SPPL3: variants seen among roughly 807,000 people sequenced by gnomAD.
The protein encoded by SPPL3 is signal peptide peptidase-like 3.
A neutral mutation model predicts 42.4 loss-of-function variants in SPPL3; 5 were observed. The ratio of observed to expected loss-of-function variants is 0.12; its 90% CI spans 0.06 to 0.25. The LOEUF (loss-of-function observed/expected upper bound fraction) is 0.25, where lower values mean the gene tolerates loss of function less well. Among genes scored for constraint, SPPL3 ranks in the 10% least tolerant of loss-of-function variants. The pLI, the probability that SPPL3 is intolerant of heterozygous loss-of-function variation, is 1.00. For missense variants in SPPL3, 235 were observed against 489.0 expected (o/e 0.48, Z 4.90); for synonymous variants, 195 against 181.8 (o/e 1.07, Z -0.58).
At chr12:120,802,995 CCTA>C (rs374423826) in intron 2 of SPPL3, among the ~76,000 whole-genome samples, 4 of 152,158 alleles carry the variant, frequency 2.6e-5, no homozygotes, top group African/African-American at 9.7e-5. Context: ...TATTTGAATG[CCTA>C]CTGTGAGATG....
intron 8 of SPPL3, 139 bp from the exon 9 acceptor site, chr12:120,767,732 T>A: frequency 1.1e-6 from 1 of 882,516 alleles, no homozygotes; most frequent in Non-Finnish European, 1.7e-6. Flanking sequence ...GATGGAACAT[T>A]AGTTTTAAGA....
At chr12:120,885,932 G>A (rs532497595) in intron 1 of SPPL3, among the ~76,000 whole-genome samples, 7 of 140,358 alleles carry the variant, frequency 5.0e-5, no homozygotes, top group South Asian at 4.5e-4. Context: ...TCAGCTCACC[G>A]CAACCTCCAC....
At chr12:120,837,628 G>A (rs948230504) in intron 1 of SPPL3, among the ~76,000 whole-genome samples, 1 of 151,950 alleles carries the variant, frequency 6.6e-6, no homozygotes, top group Non-Finnish European at 1.5e-5. Context: ...TGCGATTCCT[G>A]TAAGTCAAAC....
intron 2 of SPPL3, among the ~76,000 whole-genome samples, chr12:120,792,954 C>T (rs1869971093): frequency 1.3e-5 from 2 of 152,054 alleles, no homozygotes; most frequent in Non-Finnish European, 2.9e-5. Flanking sequence ...AAAAAACTTA[C>T]GTGCCTCAAA....
At chr12:120,777,628 G>A (rs1869370867) in intron 6 of SPPL3, among the ~76,000 whole-genome samples, 1 of 152,054 alleles carries the variant, frequency 6.6e-6, no homozygotes, top group Admixed American at 6.5e-5. Flanking sequence ...GCAACTTGCT[G>A]TATTACTTTG....
At chr12:120,775,787 C>G (rs923955570) in intron 6 of SPPL3, among the ~76,000 whole-genome samples, 2 of 152,124 alleles carry the variant, frequency 1.3e-5, no homozygotes, top group Non-Finnish European at 2.9e-5. Context: ...CGGGAAAATC[C>G]CGAAGTCCAT....
chr12:120,897,127 T>C (rs981189030), intron 1 of SPPL3, among the ~76,000 whole-genome samples: 1 of 152,192 alleles, frequency 6.6e-6, no homozygotes, highest in African/African-American at 2.4e-5. Flanking sequence ...AATACAATTA[T>C]ATAGAATGAC....
At chr12:120,780,944 A>G (rs1869513850) in intron 6 of SPPL3, among the ~76,000 whole-genome samples, 3 of 152,144 alleles carry the variant, frequency 2.0e-5, no homozygotes, top group Admixed American at 1.3e-4. Context: ...AACCAGGAAA[A>G]TTATGGGTGA....
chr12:120,892,834 T>G (rs1434729400), intron 1 of SPPL3, among the ~76,000 whole-genome samples: 1 of 151,052 alleles, frequency 6.6e-6, no homozygotes, highest in African/African-American at 2.4e-5. Flanking sequence ...TACAAAAAAT[T>G]AGCCGGGCAT....
chr12:120,894,585 C>T (rs1350129121), intron 1 of SPPL3, among the ~76,000 whole-genome samples: 1 of 152,094 alleles, frequency 6.6e-6, no homozygotes, highest in African/African-American at 2.4e-5. Context: ...AGAGTGAAGC[C>T]CAAGCCTGAG....
chr12:120,782,535 G>C (rs1049606661), intron 6 of SPPL3, 120 bp downstream of exon 6: 36 of 698,998 alleles, frequency 5.2e-5, no homozygotes, highest in Non-Finnish European at 8.3e-5. Context: ...TGGCGGGGGT[G>C]GGTGTGAAAA....
At chr12:120,840,866 AACCCAGGGGGTTGCAG>A (rs1450730559) in intron 1 of SPPL3, among the ~76,000 whole-genome samples, 3 of 151,984 alleles carry the variant, frequency 2.0e-5, no homozygotes, top group African/African-American at 7.3e-5. Context: ...ACATCGCTTG[AACCCAGGGGGTTGCAG>A]TGAGCCAAGA....
intron 1 of SPPL3, among the ~76,000 whole-genome samples, chr12:120,860,935 T>C (rs2137042063): frequency 6.6e-6 from 1 of 152,316 alleles, no homozygotes; most frequent in East Asian, 1.9e-4. Context: ...AACAGTGTAG[T>C]ATTTACATAC....
chr12:120,856,415 G>A (rs1325835067), intron 1 of SPPL3, among the ~76,000 whole-genome samples: 1 of 151,846 alleles, frequency 6.6e-6, no homozygotes, highest in Middle Eastern at 3.2e-3. Flanking sequence ...TAACATGCTG[G>A]AGGGCAGAGC....
At chr12:120,845,860 A>G (rs1034398388) in intron 1 of SPPL3, among the ~76,000 whole-genome samples, 7 of 32,860 alleles carry the variant, frequency 2.1e-4, no homozygotes, top group Admixed American at 1.6e-3. Flanking sequence ...AGAATCCATT[A>G]TCTATCTATC....
intron 6 of SPPL3, 40 bp downstream of exon 6, chr12:120,782,615 A>T: frequency 1.4e-6 from 2 of 1,430,492 alleles, no homozygotes; most frequent in Non-Finnish European, 1.9e-6. Flanking sequence ...ATAAAACTCT[A>T]TAAAGTAAAA....
At chr12:120,868,668 G>C (rs1269420809) in intron 1 of SPPL3, among the ~76,000 whole-genome samples, 1 of 152,088 alleles carries the variant, frequency 6.6e-6, no homozygotes, top group Non-Finnish European at 1.5e-5. Context: ...TTTTAGTAGA[G>C]ACGGGGTTTC....
Position 120,766,371 on chromosome 12 carries a change from G to C in SPPL3, c.975C>G (p.Gly325=), listed in dbSNP as rs188099318. The part of the protein sequence containing the change: ...FHCTLIGYFV[G]LLTATVASRI... ...GAGACGCCACAGTAGCAGTGAGCAG[G>C]CCTGTGAGGAGAGAGAGGCATCTGT... The change falls in exon 10 of 11, where the codon GGC becomes GGG. Residue 325 remains glycine (G), a splice_region_variant and synonymous_variant. Coordinates refer to ENST00000353487, the MANE Select transcript of SPPL3 (RefSeq NM_139015.5). 1 of 1,579,302 alleles carries C rather than the reference G, an allele frequency of 6.3e-7. No homozygotes were observed. The highest frequency in any genetic ancestry group is 1.9e-5 in the Admixed American group (1 of 53,614).
At chr12:120,820,116 G>A (rs779787031) in intron 1 of SPPL3, among the ~76,000 whole-genome samples, 7 of 152,034 alleles carry the variant, frequency 4.6e-5, no homozygotes, top group Non-Finnish European at 8.8e-5. Context: ...TATGCAAACT[G>A]CTAACACCTT....
Sources: gnomAD v4.1 joint callset for allele counts (sites outside exome capture counted in the v4.1 genomes callset) on GRCh38, gnomAD v4.1.1 for gene constraint, MANE v1.5 for transcripts, NCBI Gene and HGNC (gene_info 2026-07-23, HGNC 2026-07-21) for gene names.